ERI1: variants seen among roughly 807,000 people sequenced by gnomAD.
The protein encoded by ERI1 is exoribonuclease 1, also known as 3'-5' exoribonuclease 1.
In ERI1, 39 loss-of-function variants were observed where a neutral mutation model predicts 39.7. That is an observed-to-expected ratio of 0.98 (90% CI 0.76 to 1.28). ERI1 has a LOEUF of 1.28. Among genes scored for constraint, ERI1 ranks in the 50% most tolerant of loss-of-function variants. The pLI, the probability that ERI1 is intolerant of heterozygous loss-of-function variation, is 0.00. For missense variants in ERI1, 581 were observed against 416.9 expected, an observed-to-expected ratio of 1.39 and a Z score of -3.43; for synonymous variants, 204 against 149.6, an observed-to-expected ratio of 1.36 and a Z score of -2.65.
rs117157496 is a variant in ERI1, at chr8:9,052,029, G to A, written n.299+31565G>A. On this transcript the variant is annotated intron_variant and non_coding_transcript_variant, in intron 3 of 3. Transcript: ENST00000518663. ...ATGCCAGCCCAGATCTCATAGGGTCGTAGTGAGAAATGAAAGAATTAATGT... is the reference window on the plus strand; with the variant it reads ...ATGCCAGCCCAGATCTCATAGGGTCATAGTGAGAAATGAAAGAATTAATGT... Among the ~76,000 whole-genome samples the A allele has an allele frequency of 4.6e-5, 7 of 152,326 alleles. 1 individual carries two copies. In the East Asian group the frequency reaches 1.2e-3, roughly 25 times the overall value.
chr8:9,079,520 G>A (rs1799308687), intron 3 of ERI1, among the ~76,000 whole-genome samples: 1 of 152,200 alleles, frequency 6.6e-6, no homozygotes, highest in Admixed American at 6.5e-5. Flanking sequence ...CAAAAAAGAG[G>A]AGCTTGCTAA....
At chr8:9,055,747 G>A (rs568212045) in intron 3 of ERI1, among the ~76,000 whole-genome samples, 50 of 152,248 alleles carry the variant, frequency 3.3e-4, no homozygotes, top group African/African-American at 1.2e-3. Flanking sequence ...TGCCATGTTG[G>A]CCAGGCTGGT....
At chr8:9,008,215 T>A in intron 2 of ERI1, 67 bp downstream of exon 2, 1 of 1,288,844 alleles carries the variant, frequency 7.8e-7, no homozygotes, top group African/African-American at 1.5e-5. Flanking sequence ...CTTGAAAACA[T>A]TGAAATATTA....
At chr8:9,025,971 C>T (rs1818432475) in intron 6 of ERI1, among the ~76,000 whole-genome samples, 1 of 152,062 alleles carries the variant, frequency 6.6e-6, no homozygotes, top group Non-Finnish European at 1.5e-5. Context: ...TACATTGAGC[C>T]ATTAGAAAGC....
chr8:9,073,320 C>G (rs1410584951), intron 3 of ERI1, among the ~76,000 whole-genome samples: 3 of 152,124 alleles, frequency 2.0e-5, no homozygotes, highest in Non-Finnish European at 4.4e-5. Context: ...GAGGAGACTT[C>G]TTTATGGAAG....
In ERI1 at chr8:9,072,209, G is replaced by C. The variant is rs141269443; in HGVS notation, n.300-44139G>C. ...CCTTTTGGGTGATCAGTGTCCTTTG[G>C]TTTTACCTCATAGCCCTGTGAGGTT... is the stretch of plus-strand genomic sequence containing the variant. On this transcript the variant is annotated intron_variant and non_coding_transcript_variant, in intron 3 of 3. Coordinates refer to the ERI1 transcript ENST00000518663. 1.4e-3 allele frequency among the ~76,000 whole-genome samples: 216 copies of C among 152,204 alleles called. 1 individual carries two copies. The highest frequency in any genetic ancestry group is 5.0e-3 in the African/African-American group (207 of 41,530).
At chr8:9,065,974 G>T (rs1798862173) in intron 3 of ERI1, among the ~76,000 whole-genome samples, 1 of 152,098 alleles carries the variant, frequency 6.6e-6, no homozygotes, top group South Asian at 2.1e-4. Context: ...AAGGGAAGTG[G>T]AGGGTGAATA....
chr8:9,003,619 G>A (rs1003194430), intron 1 of ERI1, among the ~76,000 whole-genome samples: 1 of 152,212 alleles, frequency 6.6e-6, no homozygotes, highest in Admixed American at 6.5e-5. Context: ...CTCTGTACCT[G>A]TTAAGTGGAG....
At chr8:9,088,866 C>A (rs17646897) in intron 3 of ERI1, among the ~76,000 whole-genome samples, 42,649 of 152,036 alleles carry the variant, frequency 0.28, 6,492 homozygotes, top group Non-Finnish European at 0.34. Flanking sequence ...GCAGAACAGG[C>A]CAAACACATT....
rs150186258 is a variant in ERI1, at chr8:9,008,027, T to C, written c.166T>C (p.Ser56Pro). ...QETKGSKFIT[S>P]SASDFSDPVY... ...GACAAAAGGATCCAAGTTCATTACC[T>C]CCAGTGCGAGTGACTTCAGTGACCC... Residue 56 changes from serine to proline, a missense_variant, in exon 2 of 7, where the codon TCC (serine) becomes CCC (proline). By Grantham distance (74) the Ser-to-Pro change is moderately conservative. Transcript: ENST00000250263. 1,858 of 1,533,610 alleles carry C rather than the reference T, an allele frequency of 1.2e-3. No individual in the cohort carries two copies. The highest frequency in any genetic ancestry group is 1.6e-3 in the Non-Finnish European group (1,774 of 1,134,424).
rs770550082 is a variant in ERI1 at position 9,030,214 on chromosome 8, T to C, written c.*180T>C. 3 of 766,058 alleles carry C rather than the reference T, an allele frequency of 3.9e-6. No individual in the cohort carries two copies. The highest frequency in any genetic ancestry group is 6.1e-6 in the Non-Finnish European group (3 of 492,372). 47.5% of individuals were successfully genotyped at this position (766,058 alleles called of 1,614,324 possible). A position where few individuals can be genotyped will look rare whatever the true frequency, so the allele number is the denominator to read the frequency against. ...GATTTTGTAGGAAGGCATACTGAAT[T>C]CTTTGTCACCAGCACTTTTGATATG... On this transcript the variant is annotated 3_prime_UTR_variant, in exon 7 of 7. Transcript: ENST00000250263.
chr8:9,038,249 T>C (rs73197711), downstream of ERI1, among the ~76,000 whole-genome samples: 21,002 of 152,184 alleles, frequency 0.14, 1,571 homozygotes, highest in African/African-American at 0.17. Context: ...AAGGTTTTAT[T>C]CTAATGTAAT....
chr8:9,066,585 C>T (rs1316936694), intron 3 of ERI1, among the ~76,000 whole-genome samples: 1 of 152,102 alleles, frequency 6.6e-6, no homozygotes. Context: ...GAATCAGATG[C>T]ATGATTTTGT....
chr8:9,055,578 C>T (rs1319238541), intron 3 of ERI1, among the ~76,000 whole-genome samples: 1 of 152,070 alleles, frequency 6.6e-6, no homozygotes, highest in Non-Finnish European at 1.5e-5. Context: ...TTGTTGTTGT[C>T]GCCTAGACTG....
At chr8:9,008,982 G>A (rs959662737) in intron 2 of ERI1, 7 of 456,070 alleles carry the variant, frequency 1.5e-5, no homozygotes, top group African/African-American at 8.0e-5. Flanking sequence ...ACATCATAAT[G>A]TATGAAGAAA....
intron 6 of ERI1, among the ~76,000 whole-genome samples, chr8:9,029,271 T>A (rs191738196): frequency 3.4e-4 from 52 of 152,174 alleles, no homozygotes; most frequent in Non-Finnish European, 7.2e-4. Flanking sequence ...TTTTTAGATG[T>A]CTGAGGATCC....
intron 3 of ERI1, among the ~76,000 whole-genome samples, chr8:9,041,485 A>G (rs548820583): frequency 1.3e-5 from 2 of 152,340 alleles, no homozygotes; most frequent in African/African-American, 2.4e-5. Context: ...TGTATCAAAC[A>G]TCTTATCTGA....
chr8:9,080,157 C>T (rs529969080), intron 3 of ERI1, among the ~76,000 whole-genome samples: 9 of 152,154 alleles, frequency 5.9e-5, no homozygotes, highest in Admixed American at 1.3e-4. Context: ...TATTTTACAG[C>T]GACTTGTGGT....
chr8:9,081,703 T>TTTTTG (rs1554441377), intron 3 of ERI1, among the ~76,000 whole-genome samples: 11 of 142,616 alleles, frequency 7.7e-5, no homozygotes, highest in Non-Finnish European at 1.5e-4. Context: ...TTTTTTTGGT[T>TTTTTG]TTTGTTTGTT....
Sources: allele counts gnomAD v4.1 joint callset (sites outside exome capture counted in the v4.1 genomes callset), GRCh38; gene constraint gnomAD v4.1.1; transcripts MANE v1.5; gene names NCBI Gene and HGNC (gene_info 2026-07-23, HGNC 2026-07-21).